SBF2: variants seen among roughly 807,000 people sequenced by gnomAD.
SBF2 encodes SET binding factor 2.
Under a neutral mutation model 225.2 loss-of-function variants are expected in SBF2, and 112 were observed. That is an observed-to-expected ratio of 0.50 (90% CI 0.43 to 0.58). The LOEUF is 0.58. Ranked by LOEUF, SBF2 falls within the 20% of genes least tolerant of loss-of-function variation. The pLI, the probability that SBF2 is intolerant of heterozygous loss-of-function variation, is 0.00. For missense variants in SBF2, 1,996 were observed against 2,206.2 expected (o/e 0.90, Z 1.91); for synonymous variants, 763 against 773.3 (o/e 0.99, Z 0.22).
At chr11:9,913,516 CATATGCATATCCTATGACCTAGCA>C (rs1443975204) in intron 16 of SBF2, among the ~76,000 whole-genome samples, 2 of 152,066 alleles carry the variant, frequency 1.3e-5, no homozygotes, top group Non-Finnish European at 1.5e-5. Flanking sequence ...TAAAGTTGAA[CATATGCATATCCTATGACCTAGCA>C]ATTCCATTCC....
At chr11:10,276,875 G>A (rs1962993870) in intron 1 of SBF2, among the ~76,000 whole-genome samples, 1 of 151,992 alleles carries the variant, frequency 6.6e-6, no homozygotes, top group South Asian at 2.1e-4. Flanking sequence ...GGAGAAAACA[G>A]GTGGCACTAG....
chr11:10,276,283 C>T (rs975830412), intron 1 of SBF2, among the ~76,000 whole-genome samples: 11 of 152,048 alleles, frequency 7.2e-5, no homozygotes, highest in Non-Finnish European at 1.6e-4. Flanking sequence ...TTTAAATTTT[C>T]TTTTATTTAT....
intron 17 of SBF2, among the ~76,000 whole-genome samples, chr11:9,887,002 T>C (rs1468408824): frequency 3.9e-5 from 6 of 152,178 alleles, no homozygotes; most frequent in Admixed American, 2.0e-4. Context: ...CGTGGTAGCA[T>C]AGGACATCAA....
At position 10,209,683 on chromosome 11, in the gene SBF2, C is replaced by A. The variant is rs1957865795; in HGVS notation, c.56-15696G>T. 2.6e-5 allele frequency among the ~76,000 whole-genome samples: 4 copies of A among 152,076 alleles called. No individual in the cohort carries two copies. In the South Asian group the frequency reaches 8.3e-4, roughly 32 times the overall value. On this transcript the variant is annotated intron_variant, in intron 1 of 39. Transcript: ENST00000256190. ...GGATTTTCTATTATTTCTATAAAATCTGTATCTTCTCTCCCTCCATTCTCT... is the reference window on the plus strand; with the variant it reads ...GGATTTTCTATTATTTCTATAAAATATGTATCTTCTCTCCCTCCATTCTCT...
At chr11:10,172,854 G>C (rs1956259994) in intron 2 of SBF2, among the ~76,000 whole-genome samples, 1 of 152,026 alleles carries the variant, frequency 6.6e-6, no homozygotes, top group Non-Finnish European at 1.5e-5. Flanking sequence ...TTTTAGTAGA[G>C]ACAGGGTTTT....
At chr11:9,914,175 A>G (rs1862880679) in intron 16 of SBF2, among the ~76,000 whole-genome samples, 1 of 152,248 alleles carries the variant, frequency 6.6e-6, no homozygotes, top group African/African-American at 2.4e-5. Context: ...AGCTGTGATT[A>G]ATATGCTAGG....
At chr11:9,912,762 A>C (rs1022616847) in intron 16 of SBF2, among the ~76,000 whole-genome samples, 2 of 152,210 alleles carry the variant, frequency 1.3e-5, no homozygotes, top group African/African-American at 4.8e-5. Flanking sequence ...AGACAACAAC[A>C]AAATTGTCAA....
intron 2 of SBF2, among the ~76,000 whole-genome samples, chr11:10,107,318 C>T (rs977154318): frequency 6.6e-6 from 1 of 152,130 alleles, no homozygotes; most frequent in Non-Finnish European, 1.5e-5. Flanking sequence ...AAATGGAATA[C>T]TATTCGTCAA....
intron 9 of SBF2, among the ~76,000 whole-genome samples, chr11:9,994,611 A>G (rs1406715906): frequency 7.6e-6 from 1 of 132,140 alleles, no homozygotes; most frequent in African/African-American, 3.1e-5. Flanking sequence ...AAAAGTTCTG[A>G]AAAAAATACA....
intron 1 of SBF2, among the ~76,000 whole-genome samples, chr11:10,223,038 T>C (rs781520023): frequency 6.6e-6 from 1 of 152,098 alleles, no homozygotes; most frequent in Non-Finnish European, 1.5e-5. Flanking sequence ...CCTCTCAAAC[T>C]GTATTTACAA....
intron 32 of SBF2, among the ~76,000 whole-genome samples, chr11:9,796,340 C>G (rs1194586922): frequency 6.6e-6 from 1 of 152,144 alleles, no homozygotes; most frequent in East Asian, 1.9e-4. Flanking sequence ...TCCAAAGTCT[C>G]TACCCCACTC....
chr11:9,962,829 A>G (rs113183384), intron 15 of SBF2, among the ~76,000 whole-genome samples: 47 of 152,196 alleles, frequency 3.1e-4, no homozygotes, highest in Non-Finnish European at 5.0e-4. Context: ...TGATATCACT[A>G]AAGGTGGGTA....
At chr11:9,925,330 C>T (rs1364166745) in intron 16 of SBF2, among the ~76,000 whole-genome samples, 1 of 151,908 alleles carries the variant, frequency 6.6e-6, no homozygotes, top group Non-Finnish European at 1.5e-5. Flanking sequence ...TCTTGGAGTG[C>T]AATGGTGCGT....
At chr11:10,164,465 T>C (rs1955870572) in intron 2 of SBF2, among the ~76,000 whole-genome samples, 1 of 152,180 alleles carries the variant, frequency 6.6e-6, no homozygotes, top group Non-Finnish European at 1.5e-5. Context: ...ACACAGCCTT[T>C]AAGATTTTAG....
chr11:9,919,378 G>A (rs982023509), intron 16 of SBF2, among the ~76,000 whole-genome samples: 6 of 151,456 alleles, frequency 4.0e-5, no homozygotes, highest in Non-Finnish European at 5.9e-5. Context: ...CTCAGACTCC[G>A]AGTTAAAGAA....
chr11:9,999,986 G>A (rs68010460), intron 8 of SBF2, among the ~76,000 whole-genome samples: 12,990 of 152,226 alleles, frequency 0.085, 637 homozygotes, highest in Middle Eastern at 0.18. Context: ...ACTTTACAGT[G>A]AAGAATTTTT....
At chr11:9,913,104 T>G (rs1374626365) in intron 16 of SBF2, among the ~76,000 whole-genome samples, 2 of 152,100 alleles carry the variant, frequency 1.3e-5, no homozygotes, top group Non-Finnish European at 2.9e-5. Flanking sequence ...GGCAACATGG[T>G]GAAACCCTGT....
chr11:10,196,862 A>T (rs1362490326), intron 1 of SBF2, among the ~76,000 whole-genome samples: 1,727 of 21,936 alleles, frequency 0.079, 69 homozygotes, highest in Middle Eastern at 0.1. Flanking sequence ...ATATATATAT[A>T]TATATTTTTT....
chr11:9,930,715 G>A (rs142958353), intron 16 of SBF2, among the ~76,000 whole-genome samples: 387 of 152,366 alleles, frequency 2.5e-3, no homozygotes, highest in African/African-American at 8.9e-3. Flanking sequence ...GCATTTCCAA[G>A]TGAGGTACCT....
Sources: allele counts gnomAD v4.1 joint callset (sites outside exome capture counted in the v4.1 genomes callset), GRCh38; gene constraint gnomAD v4.1.1; transcripts MANE v1.5; gene names NCBI Gene and HGNC (gene_info 2026-07-23, HGNC 2026-07-21).